Variants in CCSER1 observed in about 807,000 individuals in gnomAD.
CCSER1 encodes the protein coiled-coil serine rich protein 1, also known as serine-rich coiled-coil domain-containing protein 1.
A neutral mutation model predicts 82.0 loss-of-function variants in CCSER1; 41 were observed. That is an observed-to-expected ratio of 0.50 (90% CI 0.39 to 0.65). The LOEUF is 0.65. CCSER1 is among the 30% of genes least tolerant of loss of function. The pLI is 0.00. For synonymous variants in CCSER1, 414 were observed against 383.9 expected (o/e 1.08, Z -0.92); for missense variants, 1,119 against 1,064.2 (o/e 1.05, Z -0.72).
intron 3 of CCSER1, among the ~76,000 whole-genome samples, chr4:90,369,311 AGAT>A (rs1468368417): frequency 1.4e-5 from 2 of 147,744 alleles, no homozygotes; most frequent in Non-Finnish European, 3.0e-5. Flanking sequence ...AGAAGGACAA[AGAT>A]GAGGATGAGG....
At chr4:91,257,614 A>T (rs1436749718) in intron 10 of CCSER1, among the ~76,000 whole-genome samples, 3 of 152,090 alleles carry the variant, frequency 2.0e-5, no homozygotes, top group African/African-American at 7.2e-5. Flanking sequence ...AAATTTTGTT[A>T]AAAATTATCT....
chr4:91,472,366 A>G (rs573412337), intron 10 of CCSER1, among the ~76,000 whole-genome samples: 1 of 152,302 alleles, frequency 6.6e-6, no homozygotes, highest in Non-Finnish European at 1.5e-5. Flanking sequence ...AAGAGTCTCA[A>G]ATGTTCTTAC....
chr4:90,627,822 T>G (rs1290179573), intron 5 of CCSER1, among the ~76,000 whole-genome samples: 1 of 151,922 alleles, frequency 6.6e-6, no homozygotes. Flanking sequence ...CTACTAAGAA[T>G]ACAAGATCAC....
rs1227239339 is a variant in CCSER1 at position 90,932,988 on chromosome 4, GAA to G, written c.2172+9543_2172+9544del. 3.3e-3 allele frequency among the ~76,000 whole-genome samples: 108 copies of G among 32,714 alleles called. 19 individuals are homozygous for G. Among genetic ancestry groups the G allele is most frequent in the African/African-American group, 5.3e-3 (28 of 5,332 alleles). 21.5% of individuals were successfully genotyped at this position (32,714 alleles called of 152,430 possible). The stretch of plus-strand genomic sequence containing the variant: ...AAAGAAAGAAAGAAAGAAAGAGAAA[GAA>G]AGAAAGAAAGAAAGAAAGAAAGAAA... On this transcript the variant is annotated intron_variant, in intron 9 of 10. Coordinates refer to ENST00000509176, the MANE Select transcript of CCSER1 (RefSeq NM_001145065.2).
At chr4:91,225,170 G>GTT (rs1416470544) in intron 10 of CCSER1, among the ~76,000 whole-genome samples, 1 of 86,972 alleles carries the variant, frequency 1.1e-5, no homozygotes, top group Non-Finnish European at 2.2e-5. Flanking sequence ...ATATATGTGT[G>GTT]TGTGTATATA....
chr4:90,381,907 A>G (rs906180744), intron 3 of CCSER1, among the ~76,000 whole-genome samples: 5 of 152,092 alleles, frequency 3.3e-5, no homozygotes, highest in African/African-American at 1.2e-4. Flanking sequence ...TTATATATTA[A>G]TGAATTTGAA....
intron 5 of CCSER1, among the ~76,000 whole-genome samples, chr4:90,549,110 G>T (rs182302990): frequency 6.6e-6 from 1 of 152,156 alleles, no homozygotes. Context: ...CCACAATAGT[G>T]TGAGCATTTT....
chr4:90,727,903 G>A (rs962782968), intron 7 of CCSER1, among the ~76,000 whole-genome samples: 5 of 151,848 alleles, frequency 3.3e-5, no homozygotes, highest in Non-Finnish European at 4.4e-5. Context: ...TTATCCTACT[G>A]TACTGTATTA....
chr4:91,555,407 A>T (rs865944035), intron 10 of CCSER1, among the ~76,000 whole-genome samples: 1 of 151,266 alleles, frequency 6.6e-6, no homozygotes, highest in Non-Finnish European at 1.5e-5. Context: ...TGTGACTAGT[A>T]TCAACTAAAT....
chr4:90,670,724 C>A (rs1031298988), intron 6 of CCSER1, among the ~76,000 whole-genome samples: 31 of 151,954 alleles, frequency 2.0e-4, no homozygotes, highest in African/African-American at 6.8e-4. Context: ...TTTAATTTCA[C>A]AATGTTCAAT....
In CCSER1 at chr4:91,142,134, G is replaced by C. The variant is rs546672344; in HGVS notation, c.2217+56140G>C. 4.6e-5 allele frequency among the ~76,000 whole-genome samples: 7 copies of C among 152,242 alleles called. No individual in the cohort carries two copies. The South Asian group carries it at 1.5e-3, about 32-fold the overall frequency. ...AATTGTAATAATCCCCACGTGTCAA[G>C]GGTGGGGGACAGGTGGAGATAATTG... On this transcript the variant is annotated intron_variant, in intron 10 of 10. Coordinates refer to ENST00000509176, the MANE Select transcript of CCSER1 (RefSeq NM_001145065.2).
chr4:90,930,772 G>A (rs1055117371), intron 9 of CCSER1, among the ~76,000 whole-genome samples: 3 of 151,678 alleles, frequency 2.0e-5, no homozygotes, highest in Middle Eastern at 3.4e-3. Flanking sequence ...ATGAAGCTAA[G>A]TTCTATGACT....
At chr4:90,291,481 T>C (rs1730938780) in intron 1 of CCSER1, among the ~76,000 whole-genome samples, 2 of 152,040 alleles carry the variant, frequency 1.3e-5, no homozygotes, top group African/African-American at 2.4e-5. Context: ...CACAAGTCCT[T>C]TTCTCATGAA....
chr4:91,208,778 C>A (rs926203502), intron 10 of CCSER1, among the ~76,000 whole-genome samples: 3 of 151,880 alleles, frequency 2.0e-5, no homozygotes, highest in African/African-American at 4.8e-5. Flanking sequence ...ATAGGCATAG[C>A]ATTAAATCTA....
intron 10 of CCSER1, among the ~76,000 whole-genome samples, chr4:91,549,030 C>A (rs1762031841): frequency 6.6e-6 from 1 of 151,952 alleles, no homozygotes; most frequent in African/African-American, 2.4e-5. Flanking sequence ...AGTTCTTGGA[C>A]ATTCTTTTCT....
chr4:90,437,255 G>A (rs1319898019), intron 4 of CCSER1, among the ~76,000 whole-genome samples: 1 of 150,922 alleles, frequency 6.6e-6, no homozygotes, highest in South Asian at 2.1e-4. Context: ...GCACACATAC[G>A]CACACATGCA....
chr4:90,138,501 A>G (rs1338017530), intron 1 of CCSER1, among the ~76,000 whole-genome samples: 2 of 152,220 alleles, frequency 1.3e-5, no homozygotes, highest in African/African-American at 4.8e-5. Context: ...GGAGCTGAAT[A>G]GCCAACACTG....
intron 10 of CCSER1, among the ~76,000 whole-genome samples, chr4:91,176,260 T>C (rs1359338728): frequency 1.3e-5 from 2 of 152,248 alleles, no homozygotes; most frequent in Non-Finnish European, 2.9e-5. Flanking sequence ...GGTAGCGTGA[T>C]GCCTCCAGCT....
intron 8 of CCSER1, among the ~76,000 whole-genome samples, chr4:90,881,438 T>C (rs1265844407): frequency 6.6e-6 from 1 of 152,160 alleles, no homozygotes; most frequent in Non-Finnish European, 1.5e-5. Flanking sequence ...CTCCAAGACC[T>C]TTTGGTCCTT....
Sources: gnomAD v4.1 joint callset for allele counts (sites outside exome capture counted in the v4.1 genomes callset) on GRCh38, gnomAD v4.1.1 for gene constraint, MANE v1.5 for transcripts, NCBI Gene and HGNC (gene_info 2026-07-23, HGNC 2026-07-21) for gene names.